CRY1: variants seen among roughly 807,000 people sequenced by gnomAD.
The protein encoded by CRY1 is cryptochrome circadian regulator 1.
CRY1 carries 45 observed loss-of-function variants against 76.0 expected under a neutral mutation model. The ratio of observed to expected loss-of-function variants is 0.59; its 90% confidence interval spans 0.47 to 0.76. CRY1 has a LOEUF of 0.76. Ranked by LOEUF, CRY1 falls within the 30% of genes least tolerant of loss-of-function variation. The pLI is 0.00. For synonymous variants in CRY1, 248 were observed against 244.0 expected (o/e 1.02, Z -0.15); for missense variants, 587 against 716.4 (o/e 0.82, Z 2.06).
chr12:107,003,159 T>C (rs1952331609), intron 3 of CRY1, among the ~76,000 whole-genome samples: 1 of 152,218 alleles, frequency 6.6e-6, no homozygotes. Context: ...TGTATCTATG[T>C]CACATACTTA....
In CRY1 at chr12:107,007,227, G is replaced by C. The variant is rs138983697; in HGVS notation, c.268-1979C>G. On this transcript the variant is annotated intron_variant, in intron 2 of 12. Transcript: ENST00000008527. ...TTTTATAGTGAGGTAGTATAGAATAGTTTAAAAACACAGGATCTAACAAGT... is the reference window on the plus strand; with the variant it reads ...TTTTATAGTGAGGTAGTATAGAATACTTTAAAAACACAGGATCTAACAAGT... 8.5e-4 allele frequency among the ~76,000 whole-genome samples: 130 copies of C among 152,286 alleles called. 3 individuals carry two copies. In the East Asian group the frequency reaches 0.025, roughly 29 times the overall value.
intron 1 of CRY1, among the ~76,000 whole-genome samples, chr12:107,086,250 T>C (rs1167829374): frequency 6.6e-6 from 1 of 152,090 alleles, no homozygotes; most frequent in Non-Finnish European, 1.5e-5. Flanking sequence ...AAGTTAAAGC[T>C]AATAATTAAG....
rs189115361 is a variant in CRY1, at chr12:107,002,102, A to G, written c.411-154T>C. On this transcript the variant is annotated intron_variant, in intron 3 of 12. Transcript: ENST00000008527. ...TTATAATGACCAAGAAATGTGTCCA[A>G]AATGATTAATGAGTCCAAAAATCAT... is the stretch of plus-strand genomic sequence containing the variant. Among the ~76,000 whole-genome samples, 464 of 152,350 alleles carry G rather than the reference A, an allele frequency of 3.0e-3. 1 individual carries two copies. Among genetic ancestry groups the G allele is most frequent in the Middle Eastern group, 0.01 (3 of 294 alleles).
intron 1 of CRY1, among the ~76,000 whole-genome samples, chr12:107,092,266 C>T (rs1474411694): frequency 6.6e-6 from 1 of 152,186 alleles, no homozygotes; most frequent in Non-Finnish European, 1.5e-5. Context: ...TCGGCAACCA[C>T]AAGGAGGAGT....
intron 2 of CRY1, among the ~76,000 whole-genome samples, chr12:107,011,588 T>A (rs758955907): frequency 2.0e-5 from 3 of 152,150 alleles, no homozygotes; most frequent in Middle Eastern, 3.2e-3. Context: ...CCTTAAAGCA[T>A]AGTCCTAATC....
At chr12:107,081,673 T>C (rs1953327033) in intron 1 of CRY1, among the ~76,000 whole-genome samples, 1 of 152,072 alleles carries the variant, frequency 6.6e-6, no homozygotes, top group Admixed American at 6.6e-5. Flanking sequence ...AGGTACTATC[T>C]GTTAAGTGAG....
At chr12:107,013,349 T>A (rs889581695) in intron 2 of CRY1, among the ~76,000 whole-genome samples, 12 of 152,252 alleles carry the variant, frequency 7.9e-5, no homozygotes, top group Non-Finnish European at 1.5e-4. Context: ...AAGGCTTAGA[T>A]GATCACTAGC....
intron 2 of CRY1, 45 bp from the exon 3 acceptor site, chr12:107,005,293 T>TA (rs1194951699): frequency 1.3e-6 from 2 of 1,530,976 alleles, no homozygotes; most frequent in Non-Finnish European, 1.8e-6. Context: ...TTGTAATAGT[T>TA]ATTTTTTCTA....
rs143536092 is a variant in CRY1 at position 107,049,194 on chromosome 12, G to C, written c.159-27002C>G. On this transcript the variant is annotated intron_variant, in intron 1 of 12. Transcript: ENST00000008527. ...GGGCTCCTCTTCCTTGTTAGTCTCT[G>C]AACTCCATTTTTTTCCCTTTCAGCC... is the stretch of plus-strand genomic sequence containing the variant. 6.6e-5 allele frequency among the ~76,000 whole-genome samples: 10 copies of C among 152,174 alleles called. 2 individuals are homozygous for C. The highest frequency in any genetic ancestry group is 2.4e-4 in the African/African-American group (10 of 41,522).
chr12:107,041,575 T>G (rs1310344067), intron 1 of CRY1, among the ~76,000 whole-genome samples: 1 of 152,216 alleles, frequency 6.6e-6, no homozygotes, highest in Non-Finnish European at 1.5e-5. Flanking sequence ...CCATGTGTAT[T>G]TTTAGAAGCT....
intron 1 of CRY1, among the ~76,000 whole-genome samples, chr12:107,054,829 C>T (rs1952965024): frequency 6.6e-6 from 1 of 152,002 alleles, no homozygotes; most frequent in South Asian, 2.1e-4. Flanking sequence ...CATTTCTCCA[C>T]ACCTCGTAAT....
At chr12:107,070,666 T>TTTTATTTATTTATTTA (rs376585116) in intron 1 of CRY1, among the ~76,000 whole-genome samples, 1 of 139,656 alleles carries the variant, frequency 7.2e-6, no homozygotes, top group Non-Finnish European at 1.5e-5. Flanking sequence ...ATTCTCTTAT[T>TTTTATTTATTTATTTA]TTTATTTATT....
chr12:107,092,197 C>T (rs114391240), intron 1 of CRY1, among the ~76,000 whole-genome samples: 4,074 of 152,250 alleles, frequency 0.027, 68 homozygotes, highest in African/African-American at 0.053. Flanking sequence ...AGATTTCTTT[C>T]AGTGCTCTGA....
At chr12:107,020,565 C>T (rs4964196) in intron 2 of CRY1, among the ~76,000 whole-genome samples, 20,715 of 151,122 alleles carry the variant, frequency 0.14, 2,541 homozygotes, top group African/African-American at 0.32. Context: ...AGTGTGGCAC[C>T]TCCCCGCTCC....
chr12:107,052,298 C>T (rs551839290), intron 1 of CRY1, among the ~76,000 whole-genome samples: 2 of 152,198 alleles, frequency 1.3e-5, no homozygotes, highest in South Asian at 4.1e-4. Context: ...TGAGACTCTC[C>T]TAAAATGACA....
intron 1 of CRY1, among the ~76,000 whole-genome samples, chr12:107,025,740 C>T (rs1289479713): frequency 1.3e-5 from 2 of 152,134 alleles, no homozygotes; most frequent in Admixed American, 1.3e-4. Flanking sequence ...TCCAGATCTT[C>T]ATGAGGCACA....
At chr12:107,001,484 A>C in intron 4 of CRY1, 116 bp from the exon 5 acceptor site, 2 of 883,540 alleles carry the variant, frequency 2.3e-6, no homozygotes, top group Non-Finnish European at 3.5e-6. Context: ...ATAAAAATGA[A>C]CTGAAGGCCT....
chr12:107,057,722 C>G (rs143831044), intron 1 of CRY1, among the ~76,000 whole-genome samples: 2,524 of 151,858 alleles, frequency 0.017, 40 homozygotes, highest in Non-Finnish European at 0.023. Flanking sequence ...CAGAGCAAGA[C>G]CCTGTCTCTA....
intron 1 of CRY1, among the ~76,000 whole-genome samples, chr12:107,062,781 G>A (rs756490047): frequency 6.6e-6 from 1 of 152,088 alleles, no homozygotes; most frequent in African/African-American, 2.4e-5. Flanking sequence ...AACGTCATAC[G>A]ATAAAAGAAT....
Sources: gnomAD v4.1 joint callset for allele counts (sites outside exome capture counted in the v4.1 genomes callset) on GRCh38, gnomAD v4.1.1 for gene constraint, MANE v1.5 for transcripts, NCBI Gene and HGNC (gene_info 2026-07-23, HGNC 2026-07-21) for gene names.